The following DLG2 variants were observed in gnomAD, a reference collection of about 807,000 sequenced individuals.
The protein encoded by DLG2 is discs large MAGUK scaffold protein 2.
A neutral mutation model predicts 132.5 loss-of-function variants in DLG2; 45 were observed. The ratio of observed to expected loss-of-function variants is 0.34; its 90% CI spans 0.27 to 0.44. DLG2 has a LOEUF of 0.44. Ranked by LOEUF, DLG2 falls within the 20% of genes least tolerant of loss-of-function variation. The pLI is 1.00. For synonymous variants in DLG2, 424 were observed against 419.6 expected, an observed-to-expected ratio of 1.01 and a Z score of -0.13; for missense variants, 1,045 against 1,196.9, an observed-to-expected ratio of 0.87 and a Z score of 1.87.
intron 6 of DLG2, among the ~76,000 whole-genome samples, chr11:84,725,074 AAG>A (rs975010223): frequency 6.6e-6 from 1 of 152,164 alleles, no homozygotes; most frequent in African/African-American, 2.4e-5. Context: ...AGGGGGAGGA[AAG>A]AGAGAATATT....
At chr11:84,156,185 A>G (rs568869154) in intron 9 of DLG2, among the ~76,000 whole-genome samples, 4 of 152,262 alleles carry the variant, frequency 2.6e-5, no homozygotes, top group African/African-American at 9.6e-5. Flanking sequence ...TACTATCACA[A>G]TCTGAGCCGC....
intron 6 of DLG2, among the ~76,000 whole-genome samples, chr11:84,583,180 A>G (rs773950336): frequency 1.6e-4 from 24 of 152,206 alleles, no homozygotes; most frequent in Non-Finnish European, 3.5e-4. Flanking sequence ...TCCAGCTAAG[A>G]TAAGATTGTT....
At chr11:85,136,168 CTTTA>C (rs1418224203) in intron 5 of DLG2, among the ~76,000 whole-genome samples, 3 of 152,292 alleles carry the variant, frequency 2.0e-5, no homozygotes, top group African/African-American at 4.8e-5. Context: ...AATATGCAAT[CTTTA>C]TTTGAGAAAG....
intron 6 of DLG2, among the ~76,000 whole-genome samples, chr11:84,888,757 C>G (rs1388793572): frequency 6.6e-6 from 1 of 152,148 alleles, no homozygotes; most frequent in African/African-American, 2.4e-5. Context: ...CCCTCTTCTT[C>G]CTTCATTCTT....
In DLG2 at chr11:84,284,272, T is replaced by C. The variant is rs536177513; in HGVS notation, c.520-32981A>G. On this transcript the variant is annotated intron_variant, in intron 7 of 27. Transcript: ENST00000376104. ...ACCTGGCATCTGACCCATTTTTTCCTATTTGAGAGAGTGATACCTTGATGG... is the reference window on the plus strand; with the variant it reads ...ACCTGGCATCTGACCCATTTTTTCCCATTTGAGAGAGTGATACCTTGATGG... Among the ~76,000 whole-genome samples the C allele has an allele frequency of 3.9e-5, 6 of 152,354 alleles. No homozygotes were observed. In the South Asian group the frequency reaches 8.3e-4, roughly 21 times the overall value.
At chr11:84,878,540 A>C (rs982980253) in intron 6 of DLG2, among the ~76,000 whole-genome samples, 1 of 152,074 alleles carries the variant, frequency 6.6e-6, no homozygotes, top group African/African-American at 2.4e-5. Flanking sequence ...GGGACATCAC[A>C]CACTGGGTCC....
chr11:85,049,392 G>A (rs2062670694), intron 6 of DLG2, among the ~76,000 whole-genome samples: 1 of 151,948 alleles, frequency 6.6e-6, no homozygotes, highest in East Asian at 1.9e-4. Context: ...CTAGCACCTA[G>A]CACTATGTCT....
Position 83,708,329 on chromosome 11 carries a change from G to A in DLG2, c.1826-75004C>T, listed in dbSNP as rs190317052. Among the ~76,000 whole-genome samples, 19 of 152,296 alleles carry A rather than the reference G, an allele frequency of 1.2e-4. 1 individual carries two copies. In the East Asian group the frequency reaches 3.7e-3, roughly 29 times the overall value. On this transcript the variant is annotated intron_variant, in intron 18 of 27. Coordinates refer to ENST00000376104, the MANE Select transcript of DLG2 (RefSeq NM_001142699.3). ...TTGAATGTCAGATAAAAAACAATGAGCCATGTTTGCTTTTGGCATGAATTA... is the reference window on the plus strand; with the variant it reads ...TTGAATGTCAGATAAAAAACAATGAACCATGTTTGCTTTTGGCATGAATTA...
At chr11:84,157,040 A>C (rs1213494857) in intron 9 of DLG2, among the ~76,000 whole-genome samples, 1 of 152,054 alleles carries the variant, frequency 6.6e-6, no homozygotes, top group East Asian at 1.9e-4. Context: ...CATTTTTTCT[A>C]GGTCTCTTTA....
chr11:83,516,969 TTAC>T (rs1266060507), intron 21 of DLG2, among the ~76,000 whole-genome samples: 40 of 152,214 alleles, frequency 2.6e-4, no homozygotes, highest in Non-Finnish European at 1.5e-5. Context: ...TTTTTCTTCA[TTAC>T]AACTTTGGTG....
intron 15 of DLG2, among the ~76,000 whole-genome samples, chr11:83,876,626 T>A (rs2064851465): frequency 6.6e-6 from 1 of 152,058 alleles, no homozygotes; most frequent in East Asian, 1.9e-4. Flanking sequence ...ATATAAGTAT[T>A]CCCATACACA....
rs191875523 is a variant in DLG2 at position 83,627,556 on chromosome 11, T to C, written c.1940+5655A>G. Among the ~76,000 whole-genome samples the C allele has an allele frequency of 1.1e-3, 162 of 152,358 alleles. 3 individuals carry two copies. Among genetic ancestry groups the C allele is most frequent in the Admixed American group, 0.01 (158 of 15,304 alleles). On this transcript the variant is annotated intron_variant, in intron 19 of 27. Transcript: ENST00000376104. ...AAGGACATGAACTCATCATTTCTTA[T>C]GGCTGCATAGTATTCCATGGTGTAT...
At chr11:84,118,715 G>A (rs1050610866) in intron 9 of DLG2, among the ~76,000 whole-genome samples, 1 of 152,020 alleles carries the variant, frequency 6.6e-6, no homozygotes, top group Non-Finnish European at 1.5e-5. Flanking sequence ...AGGAAGATGG[G>A]GTACTTACTT....
chr11:84,687,518 T>C (rs997057952), intron 6 of DLG2, among the ~76,000 whole-genome samples: 2 of 152,170 alleles, frequency 1.3e-5, no homozygotes, highest in East Asian at 3.9e-4. Flanking sequence ...CATTTACTCT[T>C]ATTAAAAACA....
intron 4 of DLG2, among the ~76,000 whole-genome samples, chr11:85,276,722 C>T (rs1043376939): frequency 6.6e-6 from 1 of 152,136 alleles, no homozygotes; most frequent in African/African-American, 2.4e-5. Context: ...TATACATATA[C>T]TTAACAAAAC....
At chr11:83,512,392 C>T (rs996414446) in intron 21 of DLG2, among the ~76,000 whole-genome samples, 1 of 152,142 alleles carries the variant, frequency 6.6e-6, no homozygotes, top group Non-Finnish European at 1.5e-5. Flanking sequence ...AATATCTACT[C>T]CTGTTCAAGA....
At chr11:83,510,757 G>C (rs745654716) in intron 21 of DLG2, among the ~76,000 whole-genome samples, 2 of 151,466 alleles carry the variant, frequency 1.3e-5, no homozygotes, top group Non-Finnish European at 1.5e-5. Context: ...ATGACAAGCA[G>C]GGCCAGTCAG....
intron 2 of DLG2, among the ~76,000 whole-genome samples, chr11:85,607,374 G>A (rs1367418802): frequency 2.6e-5 from 4 of 152,126 alleles, no homozygotes; most frequent in Non-Finnish European, 2.9e-5. Context: ...CCAGGGTCCC[G>A]ACAACAAGTT....
At chr11:85,484,082 A>G (rs1284754128) in intron 3 of DLG2, among the ~76,000 whole-genome samples, 1 of 152,134 alleles carries the variant, frequency 6.6e-6, no homozygotes, top group East Asian at 1.9e-4. Flanking sequence ...CCGTAAGGGA[A>G]AGTTGAAAAG....
Sources: gnomAD v4.1 joint callset for allele counts (sites outside exome capture counted in the v4.1 genomes callset) on GRCh38, gnomAD v4.1.1 for gene constraint, MANE v1.5 for transcripts, NCBI Gene and HGNC (gene_info 2026-07-23, HGNC 2026-07-21) for gene names.